GRIK1: variants seen among roughly 807,000 people sequenced by gnomAD.
The protein encoded by GRIK1 is glutamate receptor ionotropic, kainate 1.
In GRIK1, 69 loss-of-function variants were observed where a neutral mutation model predicts 105.7. The ratio of observed to expected loss-of-function variants is 0.65; its 90% confidence interval spans 0.54 to 0.80. The LOEUF is 0.80. GRIK1 is among the 30% of genes least tolerant of loss of function. The probability of loss-of-function intolerance (pLI) is 0.00; values close to 1 mark genes in which losing one functional copy is unlikely to be tolerated. For synonymous variants in GRIK1, 438 were observed against 431.3 expected (o/e 1.02, Z -0.19); for missense variants, 1,109 against 1,167.3 (o/e 0.95, Z 0.73).
intron 1 of GRIK1, among the ~76,000 whole-genome samples, chr21:29,884,913 C>G (rs1276265997): frequency 6.6e-6 from 1 of 152,000 alleles, no homozygotes; most frequent in East Asian, 1.9e-4. Context: ...TCCCAAATCA[C>G]ACAGATACTG....
chr21:29,688,829 T>A (rs1318273530), intron 3 of GRIK1, among the ~76,000 whole-genome samples: 1 of 151,570 alleles, frequency 6.6e-6, no homozygotes, highest in Non-Finnish European at 1.5e-5. Flanking sequence ...GTGCAAAGGA[T>A]CATCCAAAGT....
chr21:29,620,792 TCTATATATATATAG>T (rs1369024235), intron 7 of GRIK1, among the ~76,000 whole-genome samples: 2 of 109,702 alleles, frequency 1.8e-5, no homozygotes, highest in African/African-American at 5.2e-5. Context: ...GATATATATA[TCTATATATATATAG>T]ATATATATAT....
chr21:29,631,054 C>A (rs113961250), intron 7 of GRIK1, among the ~76,000 whole-genome samples: 2,965 of 152,102 alleles, frequency 0.019, 36 homozygotes, highest in South Asian at 0.036. Context: ...GTGATCTGAC[C>A]ACCTCAGTCT....
chr21:29,768,131 T>G (rs911667166), intron 1 of GRIK1, among the ~76,000 whole-genome samples: 1 of 151,768 alleles, frequency 6.6e-6, no homozygotes, highest in East Asian at 1.9e-4. Context: ...TTATCGAGAG[T>G]TTTTAGGCTG....
chr21:29,937,621 T>C (rs970070330), intron 1 of GRIK1, among the ~76,000 whole-genome samples: 2 of 152,150 alleles, frequency 1.3e-5, no homozygotes, highest in Admixed American at 1.3e-4. Context: ...GAAAGGAAAA[T>C]GCTACCTTAT....
At chr21:29,678,926 T>C (rs11702872) in intron 3 of GRIK1, among the ~76,000 whole-genome samples, 7 of 152,228 alleles carry the variant, frequency 4.6e-5, no homozygotes, top group Admixed American at 4.6e-4. Context: ...CTGTCAAGAT[T>C]CTTAGTTCTA....
chr21:29,732,866 T>C (rs192115838), intron 1 of GRIK1, among the ~76,000 whole-genome samples: 10 of 152,274 alleles, frequency 6.6e-5, no homozygotes, highest in Admixed American at 5.9e-4. Context: ...AAGATCAAAA[T>C]GGCAACTATT....
At chr21:29,638,235 A>C (rs1244510277) in intron 7 of GRIK1, among the ~76,000 whole-genome samples, 2 of 152,104 alleles carry the variant, frequency 1.3e-5, no homozygotes, top group African/African-American at 2.4e-5. Context: ...GAAACTTACA[A>C]TCATGGCGGA....
chr21:29,567,473 C>T (rs890149268), intron 14 of GRIK1, among the ~76,000 whole-genome samples: 4 of 151,988 alleles, frequency 2.6e-5, no homozygotes, highest in Admixed American at 6.6e-5. Flanking sequence ...TTTTATATAT[C>T]GATCTGTGTT....
intron 1 of GRIK1, among the ~76,000 whole-genome samples, chr21:29,877,838 A>T (rs941840768): frequency 3.3e-5 from 5 of 152,172 alleles, no homozygotes; most frequent in East Asian, 3.9e-4. Context: ...TGTATGTGGG[A>T]GACAGAGAGA....
At chr21:29,802,061 T>C (rs1167636100) in intron 1 of GRIK1, among the ~76,000 whole-genome samples, 4 of 152,144 alleles carry the variant, frequency 2.6e-5, no homozygotes, top group Non-Finnish European at 5.9e-5. Flanking sequence ...GAAGCTGAGT[T>C]TTCCAGTTAT....
intron 1 of GRIK1, among the ~76,000 whole-genome samples, chr21:29,840,129 C>A (rs897265888): frequency 6.6e-6 from 1 of 152,042 alleles, no homozygotes; most frequent in Non-Finnish European, 1.5e-5. Context: ...AGTCAATGTC[C>A]TTTTTAAGCC....
chr21:29,590,182 C>T (rs1307329677), intron 10 of GRIK1, among the ~76,000 whole-genome samples: 1 of 152,162 alleles, frequency 6.6e-6, no homozygotes, highest in Non-Finnish European at 1.5e-5. Context: ...GTCATTCAAA[C>T]ACAGTAGAGA....
intron 7 of GRIK1, among the ~76,000 whole-genome samples, chr21:29,638,815 G>A (rs1259391637): frequency 6.6e-6 from 1 of 152,164 alleles, no homozygotes; most frequent in African/African-American, 2.4e-5. Flanking sequence ...TTCATTTGAT[G>A]GTAGCTATCC....
chr21:29,936,080 G>GT (rs1262266356), intron 1 of GRIK1, among the ~76,000 whole-genome samples: 1 of 152,134 alleles, frequency 6.6e-6, no homozygotes, highest in Non-Finnish European at 1.5e-5. Flanking sequence ...CAATGGCCTG[G>GT]TAAGACTAAA....
At chr21:29,724,497 C>A (rs1710244408) in intron 1 of GRIK1, among the ~76,000 whole-genome samples, 1 of 152,152 alleles carries the variant, frequency 6.6e-6, no homozygotes, top group Non-Finnish European at 1.5e-5. Flanking sequence ...CTATTTACAG[C>A]TTTATAGAAG....
chr21:29,629,116 T>C lies in GRIK1; in HGVS notation c.1098+13710A>G, dbSNP rs149004128. Reference sequence around the variant, plus strand: ...TACTGGAGAGGTAGACACATAGAAATGTATTTATAGTACAATGATAAAAAT... The same window carrying C: ...TACTGGAGAGGTAGACACATAGAAACGTATTTATAGTACAATGATAAAAAT... On this transcript the variant is annotated intron_variant, in intron 7 of 17. Transcript: ENST00000327783. Among the ~76,000 whole-genome samples, 352 of 152,160 alleles carry C rather than the reference T, an allele frequency of 2.3e-3. 3 individuals carry two copies. The highest frequency in any genetic ancestry group is 8.1e-3 in the African/African-American group (338 of 41,490).
At chr21:29,906,651 G>A (rs1053659866) in intron 1 of GRIK1, among the ~76,000 whole-genome samples, 1 of 151,936 alleles carries the variant, frequency 6.6e-6, no homozygotes, top group Non-Finnish European at 1.5e-5. Context: ...CAGAAAAGAA[G>A]AAAAGGATAA....
intron 1 of GRIK1, among the ~76,000 whole-genome samples, chr21:29,908,805 G>A (rs937993671): frequency 6.6e-6 from 1 of 152,074 alleles, no homozygotes; most frequent in African/African-American, 2.4e-5. Flanking sequence ...CTTCAACAAT[G>A]AACAAGATTT....
Sources: allele counts gnomAD v4.1 joint callset (sites outside exome capture counted in the v4.1 genomes callset), GRCh38; gene constraint gnomAD v4.1.1; transcripts MANE v1.5; gene names NCBI Gene and HGNC (gene_info 2026-07-23, HGNC 2026-07-21).